PRR16: variants seen among roughly 807,000 people sequenced by gnomAD.
The protein encoded by PRR16 is protein Largen.
In PRR16, 6 loss-of-function variants were observed where a neutral mutation model predicts 18.2. The observed-to-expected ratio is 0.33, with a 90% CI of 0.18 to 0.65. The LOEUF is 0.65. PRR16 is among the 30% of genes least tolerant of loss of function. The pLI is 0.74. For missense variants in PRR16, 412 were observed against 376.6 expected (o/e 1.09, Z -0.78); for synonymous variants, 151 against 147.8 (o/e 1.02, Z -0.16).
chr5:120,793,693 CAGTT>C, the PRR16 span, among the ~76,000 whole-genome samples: 3 of 152,096 alleles, frequency 2.0e-5, no homozygotes, highest in African/African-American at 4.8e-5. Flanking sequence ...AGGGTAAAAA[CAGTT>C]AAGTATGCAG....
At chr5:120,660,251 C>T (rs984257712) in intron 1 of PRR16, among the ~76,000 whole-genome samples, 1 of 152,012 alleles carries the variant, frequency 6.6e-6, no homozygotes, top group African/African-American at 2.4e-5. Context: ...TTCTTAGGAA[C>T]AGTTTTGTTC....
chr5:120,473,987 G>A (rs1202159692), intron 1 of PRR16, among the ~76,000 whole-genome samples: 1 of 152,154 alleles, frequency 6.6e-6, no homozygotes, highest in African/African-American at 2.4e-5. Context: ...AAATCTAGGG[G>A]AGCATTTTCC....
At chr5:120,603,707 C>T (rs902947692) in intron 1 of PRR16, among the ~76,000 whole-genome samples, 1 of 151,944 alleles carries the variant, frequency 6.6e-6, no homozygotes, top group Non-Finnish European at 1.5e-5. Context: ...AATATACTTT[C>T]CTCATAACAC....
chr5:120,763,123 C>G, the PRR16 span, among the ~76,000 whole-genome samples: 32 of 151,230 alleles, frequency 2.1e-4, no homozygotes, highest in South Asian at 3.8e-3. Context: ...TTATTCTGTT[C>G]CTTTTGTCTA....
At chr5:120,684,740 G>A (rs1757068428) in intron 1 of PRR16, among the ~76,000 whole-genome samples, 1 of 152,180 alleles carries the variant, frequency 6.6e-6, no homozygotes, top group South Asian at 2.1e-4. Context: ...ACAGGGCAGA[G>A]ACAGTAAGGT....
rs1749003916 is a variant in PRR16 at position 120,464,316 on chromosome 5, A to T, written c.-171A>T. On this transcript the variant is annotated 5_prime_UTR_variant, in exon 1 of 2. Transcript: ENST00000407149. ...CGTCTCGGGAGTTGATGGCAGCACCACTGTGCGGCCGCCCGGCCGAGCGCG... is the reference window on the plus strand; with the variant it reads ...CGTCTCGGGAGTTGATGGCAGCACCTCTGTGCGGCCGCCCGGCCGAGCGCG... 6 of 597,670 alleles carry T rather than the reference A, an allele frequency of 1.0e-5. No homozygotes were observed. Among genetic ancestry groups the T allele is most frequent in the Non-Finnish European group, 1.5e-5 (6 of 389,376 alleles). The allele number at this position is 597,670 out of a possible 1,614,324, so 37.0% of individuals were successfully genotyped here. A position where few individuals can be genotyped will look rare whatever the true frequency, so the allele number is the denominator to read the frequency against.
At chr5:120,699,865 G>A in the PRR16 span, among the ~76,000 whole-genome samples, 7 of 152,154 alleles carry the variant, frequency 4.6e-5, no homozygotes, top group African/African-American at 1.2e-4. Context: ...GGGAGAGCAT[G>A]TGTGTTTTTA....
chr5:120,592,934 G>T (rs1524563), intron 1 of PRR16, among the ~76,000 whole-genome samples: 108,154 of 151,906 alleles, frequency 0.71, 40,508 homozygotes, highest in East Asian at 0.91. Context: ...ATAATTTACT[G>T]CATTTGCAAT....
intron 1 of PRR16, among the ~76,000 whole-genome samples, chr5:120,591,051 G>A (rs1185907055): frequency 6.6e-6 from 1 of 151,886 alleles, no homozygotes; most frequent in Non-Finnish European, 1.5e-5. Context: ...AGGCCGAGGT[G>A]GGCAGATCAC....
chr5:120,546,276 TATTC>T (rs545763875), intron 1 of PRR16, among the ~76,000 whole-genome samples: 25 of 152,248 alleles, frequency 1.6e-4, no homozygotes, highest in Admixed American at 1.4e-3. Context: ...GCATGGTTAA[TATTC>T]ATTCAATACA....
At chr5:120,728,141 G>C in the PRR16 span, among the ~76,000 whole-genome samples, 1 of 151,824 alleles carries the variant, frequency 6.6e-6, no homozygotes, top group African/African-American at 2.4e-5. Context: ...AGTATCTGTG[G>C]AAGCTGAGAT....
chr5:120,702,584 A>G, the PRR16 span, among the ~76,000 whole-genome samples: 2 of 152,234 alleles, frequency 1.3e-5, no homozygotes, highest in East Asian at 3.9e-4. Flanking sequence ...ATGGGTGAAT[A>G]ATCAGAGAGG....
rs1755356686 is a variant in PRR16, at chr5:120,639,659, C to CAAACCT, written c.160-46294_160-46293insAACCTA. On this transcript the variant is annotated intron_variant, in intron 1 of 1. Transcript: ENST00000407149. ...AAAATAACAGGTGTTTGCTAGGTTGCAGAAAAAAGGGAACACCTCTACACT... is the reference window on the plus strand; with the variant it reads ...AAAATAACAGGTGTTTGCTAGGTTGCAAACCTAGAAAAAAGGGAACACCTCTACACT... 4.0e-5 allele frequency among the ~76,000 whole-genome samples: 6 copies of CAAACCT among 151,714 alleles called. No individual in the cohort carries two copies. In the South Asian group the frequency reaches 1.3e-3, roughly 32 times the overall value.
intron 1 of PRR16, among the ~76,000 whole-genome samples, chr5:120,547,696 A>G: frequency 6.6e-6 from 1 of 152,080 alleles, no homozygotes; most frequent in Middle Eastern, 3.2e-3. Flanking sequence ...TGAGCAAAGT[A>G]CTTACTTATT....
the PRR16 span, among the ~76,000 whole-genome samples, chr5:120,759,656 A>G: frequency 6.6e-6 from 1 of 152,146 alleles, no homozygotes; most frequent in South Asian, 2.1e-4. Flanking sequence ...TAGTACAAAG[A>G]GTGAACCTTA....
chr5:120,718,795 C>G, the PRR16 span, among the ~76,000 whole-genome samples: 4 of 152,028 alleles, frequency 2.6e-5, no homozygotes, highest in African/African-American at 9.7e-5. Context: ...GCAAGTATTA[C>G]CTCAACAATT....
chr5:120,649,994 C>T (rs1366582035), intron 1 of PRR16, among the ~76,000 whole-genome samples: 1 of 151,770 alleles, frequency 6.6e-6, no homozygotes, highest in East Asian at 1.9e-4. Flanking sequence ...CCTAGGTGGG[C>T]AGATCACGAG....
Position 120,530,166 on chromosome 5 carries a change from G to T in PRR16, c.159+65521G>T, listed in dbSNP as rs1040630555. On this transcript the variant is annotated intron_variant, in intron 1 of 1. Coordinates refer to ENST00000407149, the MANE Select transcript of PRR16 (RefSeq NM_001300783.2). ...GCTACAGACATATATATGTGTGTGT[G>T]TATATATGCAGTGCTTATATATATA... 8.9e-5 allele frequency among the ~76,000 whole-genome samples: 13 copies of T among 145,612 alleles called. No homozygotes were observed. In the Admixed American group the frequency reaches 9.0e-4, roughly 10 times the overall value.
chr5:120,628,678 T>C (rs1298913571), intron 1 of PRR16, among the ~76,000 whole-genome samples: 5 of 149,968 alleles, frequency 3.3e-5, no homozygotes, highest in Admixed American at 1.3e-4. Context: ...TATCTATCTA[T>C]CTATCTATCA....
Sources: gnomAD v4.1 joint callset for allele counts (sites outside exome capture counted in the v4.1 genomes callset) on GRCh38, gnomAD v4.1.1 for gene constraint, MANE v1.5 for transcripts, NCBI Gene and HGNC (gene_info 2026-07-23, HGNC 2026-07-21) for gene names.